ZIM2: variants seen among roughly 807,000 people sequenced by gnomAD.
ZIM2 encodes zinc finger protein 656.
In ZIM2, 14 loss-of-function variants were observed where a neutral mutation model predicts 38.6. That is an observed-to-expected ratio of 0.36 (90% confidence interval 0.24 to 0.57). The LOEUF is 0.57. Among genes scored for constraint, ZIM2 ranks in the 20% least tolerant of loss-of-function variants. The pLI is 0.81. For missense variants in ZIM2, 680 were observed against 695.1 expected (o/e 0.98, Z 0.24); for synonymous variants, 247 against 245.8 (o/e 1.00, Z -0.04).
chr19:56,817,528 C>T, intron 9 of ZIM2: 1 of 1,604,364 alleles, frequency 6.2e-7, no homozygotes, highest in South Asian at 1.1e-5. Context: ...TTCATCTTCA[C>T]AAATCCCCCG....
chr19:56,781,388 C>T (rs760508324), intron 11 of ZIM2, among the ~76,000 whole-genome samples: 2 of 152,190 alleles, frequency 1.3e-5, no homozygotes, highest in African/African-American at 4.8e-5. Flanking sequence ...TGCCTCCGCA[C>T]GTAAAGAGAG....
At chr19:56,822,177 T>G (rs951038800) in intron 6 of ZIM2, among the ~76,000 whole-genome samples, 1 of 152,206 alleles carries the variant, frequency 6.6e-6, no homozygotes, top group Non-Finnish European at 1.5e-5. Context: ...TAAATGTCAC[T>G]CACTCCTGAT....
At chr19:56,839,181 CCT>C (rs751593424) in intron 1 of ZIM2, among the ~76,000 whole-genome samples, 2 of 151,490 alleles carry the variant, frequency 1.3e-5, no homozygotes, top group South Asian at 2.1e-4. Flanking sequence ...CCAATGCCAC[CCT>C]GTCACTTCAG....
chr19:56,817,122 G>A (rs549833425), intron 9 of ZIM2: 64 of 1,614,078 alleles, frequency 4.0e-5, no homozygotes, highest in East Asian at 2.0e-4. Flanking sequence ...GCTGTGACTC[G>A]GTAAAGGAGG....
At chr19:56,817,565 G>A (rs375862400) in intron 9 of ZIM2, 181 bp downstream of exon 9, 4 of 1,591,034 alleles carry the variant, frequency 2.5e-6, no homozygotes, top group African/African-American at 1.4e-5. Flanking sequence ...TTGGCTTCAG[G>A]CATAGTTTTT....
intron 1 of ZIM2, among the ~76,000 whole-genome samples, chr19:56,838,888 C>A (rs1350846043): frequency 1.3e-5 from 2 of 152,178 alleles, no homozygotes; most frequent in African/African-American, 2.4e-5. Context: ...TGCGGCAAAC[C>A]GCAGCCGCCC....
intron 9 of ZIM2, chr19:56,811,289 T>C (rs1396217148): frequency 1.1e-6 from 1 of 919,234 alleles, no homozygotes; most frequent in Non-Finnish European, 1.3e-6. Flanking sequence ...TATAAGCATA[T>C]ATATTTTTAA....
At chr19:56,812,813 T>G (rs2059626611) in intron 9 of ZIM2, 1 of 890,206 alleles carries the variant, frequency 1.1e-6, no homozygotes, top group African/African-American at 2.8e-5. Flanking sequence ...ACATATTGAG[T>G]TGGTTAAAAA....
At chr19:56,787,426 C>A (rs953725405) in intron 10 of ZIM2, among the ~76,000 whole-genome samples, 5 of 151,756 alleles carry the variant, frequency 3.3e-5, no homozygotes, top group Middle Eastern at 6.4e-3. Flanking sequence ...CAGGCATGTG[C>A]CACCACGCCC....
At chr19:56,815,427 A>C (rs1179136669) in intron 9 of ZIM2, 1 of 1,613,984 alleles carries the variant, frequency 6.2e-7, no homozygotes, top group African/African-American at 1.3e-5. Flanking sequence ...TGCGAATGAC[A>C]GACCATTCAT....
At chr19:56,835,157 C>T (rs1027595628) in intron 2 of ZIM2, among the ~76,000 whole-genome samples, 8 of 152,090 alleles carry the variant, frequency 5.3e-5, no homozygotes, top group African/African-American at 1.9e-4. Context: ...AGTTGGTCTC[C>T]CCACACCCAC....
chr19:56,794,389 G>C (rs2047087265), intron 9 of ZIM2, among the ~76,000 whole-genome samples: 1 of 152,030 alleles, frequency 6.6e-6, no homozygotes, highest in Non-Finnish European at 1.5e-5. Flanking sequence ...TGCCACTTGG[G>C]GAAAACATTT....
intron 9 of ZIM2, among the ~76,000 whole-genome samples, chr19:56,801,006 G>C (rs1212681275): frequency 6.6e-6 from 1 of 150,812 alleles, no homozygotes; most frequent in Non-Finnish European, 1.5e-5. Context: ...CACGATCTCG[G>C]CTCACTGCAA....
At chr19:56,835,926 A>C (rs2062053043) in intron 2 of ZIM2, 92 bp downstream of exon 2, 2 of 447,456 alleles carry the variant, frequency 4.5e-6, no homozygotes. Context: ...GGCTATGTGG[A>C]ACACATATGC....
intron 9 of ZIM2, chr19:56,799,401 G>A (rs2047393230): frequency 6.6e-6 from 1 of 152,148 alleles, no homozygotes; most frequent in Admixed American, 6.5e-5. Context: ...TGAATGATGA[G>A]AACACATGGA....
rs369229885 is a variant in ZIM2, at chr19:56,823,662, C to T, written c.34G>A (p.Val12Met). The change falls in exon 5 of 13, where the codon GTG (valine) becomes ATG (methionine). Residue 12 changes from valine to methionine, a missense_variant. By Grantham distance (21) the Val-to-Met change is conservative. Coordinates refer to ENST00000629319, the MANE Select transcript of ZIM2 (RefSeq NM_001387356.1). The stretch of plus-strand genomic sequence containing the variant: ...CGGGTCATGTCGTCGTCGCTGGTCA[C>T]GTCACTGTTGTTGTCGTCTAAGAGG... Reference protein sequence around the residue: ...YQPEDDNNSDVTSDDDMTRNR... With the variant: ...YQPEDDNNSDMTSDDDMTRNR... 5.6e-5 allele frequency: 91 copies of T among 1,614,040 alleles called. No individual in the cohort carries two copies. The highest frequency in any genetic ancestry group is 8.9e-5 in the East Asian group (4 of 44,886).
intron 9 of ZIM2, 187 bp downstream of exon 9, chr19:56,817,559 C>A: frequency 6.3e-7 from 1 of 1,592,974 alleles, no homozygotes; most frequent in Non-Finnish European, 8.6e-7. Context: ...GATTTTTTGG[C>A]TTCAGGCATA....
intron 9 of ZIM2, chr19:56,817,484 T>C (rs1278541583): frequency 6.2e-6 from 10 of 1,613,080 alleles, no homozygotes; most frequent in Non-Finnish European, 8.5e-6. Flanking sequence ...GACACATCCT[T>C]GATGAATTTT....
At chr19:56,785,379 G>A (rs189935826) in intron 10 of ZIM2, among the ~76,000 whole-genome samples, 17 of 151,846 alleles carry the variant, frequency 1.1e-4, no homozygotes, top group Admixed American at 5.2e-4. Context: ...TCCTTACCTC[G>A]CTCCCCCCAC....
Sources: allele counts gnomAD v4.1 joint callset (sites outside exome capture counted in the v4.1 genomes callset), GRCh38; gene constraint gnomAD v4.1.1; transcripts MANE v1.5; gene names NCBI Gene and HGNC (gene_info 2026-07-23, HGNC 2026-07-21).